ELMO1: variants seen among roughly 807,000 people sequenced by gnomAD.
ELMO1 encodes the protein engulfment and cell motility 1, also known as engulfment and cell motility protein 1.
A neutral mutation model predicts 98.9 loss-of-function variants in ELMO1; 26 were observed. The observed-to-expected ratio is 0.26, with a 90% CI of 0.19 to 0.36. The LOEUF is 0.36. Among genes scored for constraint, ELMO1 ranks in the 10% least tolerant of loss-of-function variants. The pLI is 1.00. For synonymous variants in ELMO1, 346 were observed against 346.0 expected (o/e 1.00, Z 0.00); for missense variants, 627 against 935.2 (o/e 0.67, Z 4.30).
intron 15 of ELMO1, among the ~76,000 whole-genome samples, chr7:37,035,535 G>A (rs1012264881): frequency 1.3e-5 from 2 of 152,148 alleles, no homozygotes; most frequent in African/African-American, 2.4e-5. Flanking sequence ...TTTTTACAAT[G>A]GTCCTTATGC....
chr7:37,425,390 T>C lies in ELMO1; in HGVS notation c.-74+23285A>G, dbSNP rs184553104. Among the ~76,000 whole-genome samples the C allele has an allele frequency of 1.1e-4, 17 of 152,336 alleles. No individual in the cohort carries two copies. The East Asian group carries it at 2.9e-3, about 26-fold the overall frequency. On this transcript the variant is annotated intron_variant, in intron 1 of 21. Coordinates refer to ENST00000310758, the MANE Select transcript of ELMO1 (RefSeq NM_014800.11). ...CTTTCTAATACCATCATATTAGGTA[T>C]GAGGATTTCAACATAAGAATTTGGA...
intron 8 of ELMO1, among the ~76,000 whole-genome samples, chr7:37,228,842 A>C (rs1000340472): frequency 6.6e-6 from 1 of 152,126 alleles, no homozygotes; most frequent in Non-Finnish European, 1.5e-5. Flanking sequence ...AATACAAAAA[A>C]TTAGCCAGGC....
chr7:36,943,026 G>A (rs568545215), intron 16 of ELMO1, among the ~76,000 whole-genome samples: 21 of 152,264 alleles, frequency 1.4e-4, no homozygotes, highest in African/African-American at 4.6e-4. Flanking sequence ...CTGGCATGTG[G>A]GACAGTTCAG....
chr7:37,359,171 G>A (rs1461755852), intron 1 of ELMO1, among the ~76,000 whole-genome samples: 1 of 152,248 alleles, frequency 6.6e-6, no homozygotes, highest in Non-Finnish European at 1.5e-5. Flanking sequence ...CAAGCCGTCA[G>A]TGCCAAATAC....
Position 37,426,392 on chromosome 7 carries a change from C to G in ELMO1, c.-74+22283G>C, listed in dbSNP as rs189286170. 2.3e-4 allele frequency among the ~76,000 whole-genome samples: 35 copies of G among 151,992 alleles called. 1 individual carries two copies. The highest frequency in any genetic ancestry group is 2.1e-3 in the South Asian group (10 of 4,808). ...CTGGTCTCGAACTCCTGACCTCAGG[C>G]GATCCGCCCTACTTGGCCTCTCAAA... On this transcript the variant is annotated intron_variant, in intron 1 of 21. Coordinates refer to ENST00000310758, the MANE Select transcript of ELMO1 (RefSeq NM_014800.11).
intron 15 of ELMO1, among the ~76,000 whole-genome samples, chr7:37,065,919 T>C (rs1376046613): frequency 6.6e-6 from 1 of 152,124 alleles, no homozygotes; most frequent in East Asian, 1.9e-4. Flanking sequence ...AATCCCCACA[T>C]GTCAAAGGCA....
intron 1 of ELMO1, among the ~76,000 whole-genome samples, chr7:37,412,037 C>T (rs1331150969): frequency 1.3e-5 from 2 of 152,186 alleles, no homozygotes; most frequent in African/African-American, 4.8e-5. Context: ...CTCTCACACA[C>T]ACACAAAAAC....
intron 5 of ELMO1, among the ~76,000 whole-genome samples, chr7:37,260,936 ACAGC>A (rs760376967): frequency 1.3e-5 from 2 of 152,232 alleles, no homozygotes; most frequent in Non-Finnish European, 2.9e-5. Flanking sequence ...AAATGGATAT[ACAGC>A]ATTCACATGA....
At chr7:37,174,212 C>T (rs1455740829) in intron 13 of ELMO1, among the ~76,000 whole-genome samples, 2 of 152,238 alleles carry the variant, frequency 1.3e-5, no homozygotes, top group Non-Finnish European at 2.9e-5. Flanking sequence ...TTCCTTTTTC[C>T]TATAAAGATG....
chr7:37,258,031 AG>A (rs1474577357), intron 6 of ELMO1, among the ~76,000 whole-genome samples: 23 of 151,934 alleles, frequency 1.5e-4, no homozygotes, highest in African/African-American at 5.1e-4. Flanking sequence ...ACACCTTGGG[AG>A]GCCAAGGCAG....
chr7:37,182,138 G>T lies in ELMO1; in HGVS notation c.1086+29248C>A, dbSNP rs530825754. On this transcript the variant is annotated intron_variant, in intron 13 of 21. Coordinates refer to ENST00000310758, the MANE Select transcript of ELMO1 (RefSeq NM_014800.11). ...TTTGGTGTGGGCTTCCCACCGCCCC[G>T]AGGCTCCTAAGTCCAAAGGCATGGG... 6.4e-4 allele frequency among the ~76,000 whole-genome samples: 98 copies of T among 152,296 alleles called. 1 individual carries two copies. Among genetic ancestry groups the T allele is most frequent in the Non-Finnish European group, 1.2e-3 (79 of 68,032 alleles).
At chr7:37,082,349 C>T (rs962418298) in intron 15 of ELMO1, among the ~76,000 whole-genome samples, 21 of 151,846 alleles carry the variant, frequency 1.4e-4, no homozygotes, top group African/African-American at 4.4e-4. Flanking sequence ...TAATGTTTAA[C>T]TCCTCTCAAA....
At chr7:37,181,088 G>C (rs1353994501) in intron 13 of ELMO1, among the ~76,000 whole-genome samples, 1 of 152,094 alleles carries the variant, frequency 6.6e-6, no homozygotes, top group Non-Finnish European at 1.5e-5. Flanking sequence ...TATGTTATGT[G>C]AATTTTACCT....
At chr7:37,354,568 C>G (rs1170547777) in intron 1 of ELMO1, among the ~76,000 whole-genome samples, 2 of 152,250 alleles carry the variant, frequency 1.3e-5, no homozygotes, top group African/African-American at 4.8e-5. Context: ...ATCAGCATTT[C>G]AACTGGAAAG....
chr7:36,961,403 C>A (rs185317462), intron 16 of ELMO1, among the ~76,000 whole-genome samples: 57 of 152,234 alleles, frequency 3.7e-4, no homozygotes, highest in African/African-American at 1.3e-3. Context: ...AAAAGCTAAT[C>A]TCTCTATTTT....
chr7:37,174,240 G>A (rs534256754), intron 13 of ELMO1, among the ~76,000 whole-genome samples: 4 of 152,142 alleles, frequency 2.6e-5, no homozygotes, highest in South Asian at 4.2e-4. Context: ...GTCATCTCAC[G>A]TTTTTGTTAA....
At chr7:37,076,733 G>A (rs2129230551) in intron 15 of ELMO1, among the ~76,000 whole-genome samples, 1 of 152,286 alleles carries the variant, frequency 6.6e-6, no homozygotes, top group African/African-American at 2.4e-5. Context: ...CCCATCTGCT[G>A]GTTTCTCACC....
At chr7:36,882,828 C>T (rs1861361) in intron 18 of ELMO1, among the ~76,000 whole-genome samples, 51,115 of 152,056 alleles carry the variant, frequency 0.34, 8,986 homozygotes, top group African/African-American at 0.43. Flanking sequence ...AATGGCAGTC[C>T]CTCTCGTCCA....
chr7:37,136,163 G>A (rs577595310), intron 13 of ELMO1, among the ~76,000 whole-genome samples: 29 of 152,066 alleles, frequency 1.9e-4, no homozygotes, highest in African/African-American at 3.6e-4. Context: ...AACCCAATCC[G>A]TCAAAGACAA....
Sources: allele counts gnomAD v4.1 joint callset (sites outside exome capture counted in the v4.1 genomes callset), GRCh38; gene constraint gnomAD v4.1.1; transcripts MANE v1.5; gene names NCBI Gene and HGNC (gene_info 2026-07-23, HGNC 2026-07-21).